Variants in TRPM3 observed in about 807,000 individuals in gnomAD.
TRPM3 encodes long transient receptor potential channel 3.
Under a neutral mutation model 181.2 loss-of-function variants are expected in TRPM3, and 77 were observed. The observed-to-expected ratio is 0.42, with a 90% CI of 0.35 to 0.51. The LOEUF (loss-of-function observed/expected upper bound fraction) is 0.51, where lower values mean the gene tolerates loss of function less well. Ranked by LOEUF, TRPM3 falls within the 20% of genes least tolerant of loss-of-function variation. The pLI is 0.01. For missense variants in TRPM3, 1,759 were observed against 2,196.7 expected (o/e 0.80, Z 3.98); for synonymous variants, 745 against 796.4 (o/e 0.94, Z 1.09).
intron 1 of TRPM3, among the ~76,000 whole-genome samples, chr9:71,033,453 C>CA (rs2057792721): frequency 6.6e-6 from 1 of 152,140 alleles, no homozygotes. Flanking sequence ...TTTCTGGTCA[C>CA]AAAAACATCA....
intron 1 of TRPM3, among the ~76,000 whole-genome samples, chr9:71,222,418 G>A (rs768805519): frequency 5.3e-5 from 8 of 152,140 alleles, no homozygotes; most frequent in East Asian, 1.9e-4. Flanking sequence ...CTGACCATGC[G>A]TCATTCATAT....
chr9:70,840,334 A>G (rs965948108), intron 5 of TRPM3, among the ~76,000 whole-genome samples: 3 of 152,116 alleles, frequency 2.0e-5, no homozygotes, highest in African/African-American at 7.2e-5. Context: ...GAAAAAGTAA[A>G]ATACAACTGT....
intron 8 of TRPM3, 185 bp downstream of exon 8, chr9:70,761,416 C>T (rs934472538): frequency 6.5e-6 from 5 of 769,218 alleles, no homozygotes; most frequent in South Asian, 1.5e-5. Context: ...CTTATTAACT[C>T]GAAGGCAGTA....
At chr9:70,755,137 G>A (rs2076833644) in intron 8 of TRPM3, among the ~76,000 whole-genome samples, 1 of 152,062 alleles carries the variant, frequency 6.6e-6, no homozygotes, top group Admixed American at 6.6e-5. Context: ...AGAACACACA[G>A]GCCAACATTC....
In TRPM3 at chr9:71,391,505, C is replaced by T. The variant is rs1324019670; in HGVS notation, c.183+55148G>A. Among the ~76,000 whole-genome samples the T allele has an allele frequency of 2.6e-5, 4 of 151,850 alleles. No homozygotes were observed. In the East Asian group the frequency reaches 7.7e-4, roughly 29 times the overall value. On this transcript the variant is annotated intron_variant, in intron 1 of 24. Coordinates refer to the TRPM3 transcript ENST00000357533. ...ATTAATGATATTTATTCTTCATATG[C>T]CCAGATTAAAATGACTTTTTAAGCT...
chr9:71,101,134 C>T (rs1188234728), intron 1 of TRPM3, among the ~76,000 whole-genome samples: 2 of 152,170 alleles, frequency 1.3e-5, no homozygotes, highest in Non-Finnish European at 2.9e-5. Flanking sequence ...ACTGCCTCTA[C>T]TTCTGACTAA....
intron 8 of TRPM3, among the ~76,000 whole-genome samples, chr9:70,747,062 T>G (rs2075283566): frequency 6.6e-6 from 1 of 152,190 alleles, no homozygotes. Context: ...ACATCTGAAT[T>G]CATTCATTCA....
At chr9:70,657,709 G>A (rs990569885) in intron 9 of TRPM3, among the ~76,000 whole-genome samples, 1 of 152,096 alleles carries the variant, frequency 6.6e-6, no homozygotes, top group African/African-American at 2.4e-5. Context: ...TTGAGTTACA[G>A]GGCTTTTACT....
chr9:71,384,243 G>A (rs1318580347), intron 1 of TRPM3, among the ~76,000 whole-genome samples: 2 of 152,058 alleles, frequency 1.3e-5, no homozygotes, highest in Non-Finnish European at 2.9e-5. Flanking sequence ...GAATTCTTTT[G>A]GTTCCTTATT....
intron 1 of TRPM3, among the ~76,000 whole-genome samples, chr9:71,274,701 T>C: frequency 6.6e-6 from 1 of 152,242 alleles, no homozygotes; most frequent in South Asian, 2.1e-4. Context: ...ATCTATTCAC[T>C]GTGTAGTGGG....
At chr9:71,336,702 ATAC>A (rs2090580772) in intron 1 of TRPM3, among the ~76,000 whole-genome samples, 1 of 152,188 alleles carries the variant, frequency 6.6e-6, no homozygotes. Flanking sequence ...ACTTCAAACT[ATAC>A]TACAAGGCTA....
intron 1 of TRPM3, among the ~76,000 whole-genome samples, chr9:71,211,228 T>C (rs1342888431): frequency 1.3e-5 from 2 of 152,228 alleles, no homozygotes; most frequent in African/African-American, 4.8e-5. Flanking sequence ...AACCGTGATC[T>C]CTAAGCCTTG....
At chr9:71,128,832 G>A (rs1350088691) in intron 1 of TRPM3, among the ~76,000 whole-genome samples, 2 of 152,158 alleles carry the variant, frequency 1.3e-5, no homozygotes, top group Non-Finnish European at 2.9e-5. Flanking sequence ...CTTGGCCAAT[G>A]GATACCCAAA....
rs542010690 is a variant in TRPM3, at chr9:71,367,975, T to C, written c.183+78678A>G. 6.3e-4 allele frequency among the ~76,000 whole-genome samples: 90 copies of C among 143,370 alleles called. 1 individual carries two copies. The highest frequency in any genetic ancestry group is 2.2e-3 in the African/African-American group (87 of 39,332). 94.1% of individuals were successfully genotyped at this position (143,370 alleles called of 152,430 possible). A position where few individuals can be genotyped will look rare whatever the true frequency, so the allele number is the denominator to read the frequency against. ...TGTGTGTGTGTATATATATATCATA[T>C]ATATGCACATATATGTGCACACACA... On this transcript the variant is annotated intron_variant, in intron 1 of 24. Coordinates refer to the TRPM3 transcript ENST00000357533.
chr9:70,569,465 T>C (rs905389179), intron 22 of TRPM3, among the ~76,000 whole-genome samples: 1 of 152,204 alleles, frequency 6.6e-6, no homozygotes. Flanking sequence ...AGCCTATTAT[T>C]TCACGTGACT....
intron 22 of TRPM3, among the ~76,000 whole-genome samples, chr9:70,589,833 G>A (rs1031535803): frequency 1.3e-5 from 2 of 152,146 alleles, no homozygotes; most frequent in African/African-American, 4.8e-5. Context: ...ATGACGTACC[G>A]GTGTGTTCTG....
At chr9:71,428,076 T>G (rs1030283760) in intron 1 of TRPM3, among the ~76,000 whole-genome samples, 6 of 152,066 alleles carry the variant, frequency 3.9e-5, no homozygotes. Flanking sequence ...AGCCTGTTTT[T>G]TTGTTGTTGT....
At chr9:71,279,003 T>C (rs960362108) in intron 1 of TRPM3, among the ~76,000 whole-genome samples, 1 of 141,972 alleles carries the variant, frequency 7.0e-6, no homozygotes, top group South Asian at 2.2e-4. Context: ...TCATGTCAAG[T>C]TCTCTCCTCA....
intron 22 of TRPM3, among the ~76,000 whole-genome samples, chr9:70,585,457 CCTT>C (rs1219752218): frequency 3.3e-5 from 5 of 152,164 alleles, no homozygotes; most frequent in Non-Finnish European, 7.3e-5. Flanking sequence ...TGCAAAATAG[CCTT>C]CTTCATGGTT....
Sources: gnomAD v4.1 joint callset for allele counts (sites outside exome capture counted in the v4.1 genomes callset) on GRCh38, gnomAD v4.1.1 for gene constraint, MANE v1.5 for transcripts, NCBI Gene and HGNC (gene_info 2026-07-23, HGNC 2026-07-21) for gene names.